SSBP3: variants seen among roughly 807,000 people sequenced by gnomAD.
SSBP3 encodes single-stranded DNA-binding protein 3.
Under a neutral mutation model 69.6 loss-of-function variants are expected in SSBP3, and 5 were observed. That is an observed-to-expected ratio of 0.07 (90% CI 0.04 to 0.15). The LOEUF (loss-of-function observed/expected upper bound fraction) is 0.15, where lower values mean the gene tolerates loss of function less well. SSBP3 is among the 10% of genes least tolerant of loss of function. SSBP3 has a pLI of 1.00. For synonymous variants in SSBP3, 196 were observed against 193.4 expected (o/e 1.01, Z -0.11); for missense variants, 312 against 534.0 (o/e 0.58, Z 4.10).
Position 54,258,143 on chromosome 1 carries a change from G to C in SSBP3, c.373C>G (p.Pro125Ala), listed in dbSNP as rs149565183. ...GCGTGCGGCGAGGGCTGTGACCCCG[G>C]AGGACCCTGTGAGGCCAGACAGTAG... Residue 125 changes from proline to alanine, a missense_variant, in exon 6 of 18, where the codon CCG (proline) becomes GCG (alanine). Transcript: ENST00000610401. This position sits in a 1 kb window ranked among gnomAD's most constrained non-coding sequence, Gnocchi z 4.5. The C allele has an allele frequency of 2.1e-5, 33 of 1,591,824 alleles. No homozygotes were observed. In the African/African-American group the frequency reaches 4.2e-4, roughly 20 times the overall value.
At chr1:54,371,843 C>T (rs897742932) in intron 4 of SSBP3, among the ~76,000 whole-genome samples, 4 of 152,064 alleles carry the variant, frequency 2.6e-5, no homozygotes, top group Non-Finnish European at 5.9e-5. Flanking sequence ...AGATTAAACA[C>T]CTTTCTACCC....
At chr1:54,238,824 C>A (rs898362014) in intron 14 of SSBP3, 2 of 413,514 alleles carry the variant, frequency 4.8e-6, no homozygotes, top group South Asian at 4.4e-5. Context: ...CCAGGCCAGA[C>A]CCCACCTACA....
intron 4 of SSBP3, among the ~76,000 whole-genome samples, chr1:54,350,350 G>T (rs757467119): frequency 6.6e-6 from 1 of 152,208 alleles, no homozygotes; most frequent in African/African-American, 2.4e-5. Flanking sequence ...CGGAACAAGC[G>T]CTGTTACTAG....
chr1:54,280,639 C>T (rs775001740), intron 5 of SSBP3, among the ~76,000 whole-genome samples: 18 of 151,850 alleles, frequency 1.2e-4, no homozygotes, highest in South Asian at 2.1e-4. Flanking sequence ...CAGCCCTGCA[C>T]GCTGTACCTC....
At chr1:54,291,116 C>T (rs1379837918) in intron 4 of SSBP3, among the ~76,000 whole-genome samples, 3 of 152,122 alleles carry the variant, frequency 2.0e-5, no homozygotes, top group Non-Finnish European at 4.4e-5. Context: ...CTGCCAGGAC[C>T]GAGGTGTGCA....
chr1:54,308,246 C>G (rs982641975), intron 4 of SSBP3, among the ~76,000 whole-genome samples: 1 of 152,120 alleles, frequency 6.6e-6, no homozygotes, highest in African/African-American at 2.4e-5. Flanking sequence ...TTGAGGTCAG[C>G]TGGAGTTTGA....
chr1:54,228,166 G>A, intron 17 of SSBP3, 89 bp downstream of exon 17: 1 of 1,207,996 alleles, frequency 8.3e-7, no homozygotes, highest in African/African-American at 1.5e-5. Context: ...TAGCTGGCAG[G>A]CTGCAGCCCG....
At position 54,277,733 on chromosome 1, in the gene SSBP3, G is replaced by T. The variant is rs146380499; in HGVS notation, c.366+3705C>A. On this transcript the variant is annotated intron_variant, in intron 5 of 17. Coordinates refer to ENST00000610401, the Ensembl canonical transcript of SSBP3. The stretch of plus-strand genomic sequence containing the variant: ...AGTTCTCTATGACCCCTGCCCTCTT[G>T]TGAGTCCCGTTTTGGACTTAGAAAT... Among the ~76,000 whole-genome samples the T allele has an allele frequency of 3.1e-4, 47 of 152,310 alleles. No individual in the cohort carries two copies. The East Asian group carries it at 5.0e-3, about 16-fold the overall frequency.
chr1:54,338,965 G>T lies in SSBP3; in HGVS notation c.277-57438C>A, dbSNP rs530750348. Among the ~76,000 whole-genome samples, 8 of 152,302 alleles carry T rather than the reference G, an allele frequency of 5.3e-5. No individual in the cohort carries two copies. The South Asian group carries it at 1.5e-3, about 28-fold the overall frequency. On this transcript the variant is annotated intron_variant, in intron 4 of 17. Coordinates refer to ENST00000610401, the Ensembl canonical transcript of SSBP3. Reference sequence around the variant, plus strand: ...TAGGATGCACGAGGTCCAAGTTAAAGCTAGTCTTCTAAACACACACCTTTT... The same window carrying T: ...TAGGATGCACGAGGTCCAAGTTAAATCTAGTCTTCTAAACACACACCTTTT...
At chr1:54,358,848 C>A (rs1457150356) in intron 4 of SSBP3, among the ~76,000 whole-genome samples, 1 of 152,180 alleles carries the variant, frequency 6.6e-6, no homozygotes, top group Non-Finnish European at 1.5e-5. Flanking sequence ...TAAGCTAAAC[C>A]TCACTTAAGA....
At chr1:54,371,810 G>C (rs1647140013) in intron 4 of SSBP3, among the ~76,000 whole-genome samples, 1 of 152,160 alleles carries the variant, frequency 6.6e-6, no homozygotes, top group South Asian at 2.1e-4. Flanking sequence ...CAGTCGGGCA[G>C]GGGTGGGGGA....
At chr1:54,250,824 A>G (rs1644816281) in intron 9 of SSBP3, among the ~76,000 whole-genome samples, 1 of 152,228 alleles carries the variant, frequency 6.6e-6, no homozygotes, top group Non-Finnish European at 1.5e-5. Flanking sequence ...GCTGGGGGTA[A>G]GCAGTGAGAT....
At chr1:54,381,674 C>T (rs943905531) in intron 4 of SSBP3, among the ~76,000 whole-genome samples, 2 of 152,158 alleles carry the variant, frequency 1.3e-5, no homozygotes, top group Non-Finnish European at 2.9e-5. Context: ...GCTGGGACCA[C>T]AAAGGTATCA....
chr1:54,368,139 T>C (rs1647057814), intron 4 of SSBP3, among the ~76,000 whole-genome samples: 1 of 151,658 alleles, frequency 6.6e-6, no homozygotes, highest in Admixed American at 6.6e-5. Context: ...CTGTCTCTAC[T>C]AAAAATACAA....
rs1455701537 is a variant in SSBP3, at chr1:54,327,879, C to T, written c.277-46352G>A. Among the ~76,000 whole-genome samples the T allele has an allele frequency of 2.0e-5, 3 of 152,208 alleles. No individual in the cohort carries two copies. The East Asian group carries it at 5.8e-4, about 29-fold the overall frequency. On this transcript the variant is annotated intron_variant, in intron 4 of 17. Transcript: ENST00000610401. ...CCAGGCACGCTCTAGCTGGGGCTCACTCTGCATCTTAAATAAAGCAGTTGT... is the reference window on the plus strand; with the variant it reads ...CCAGGCACGCTCTAGCTGGGGCTCATTCTGCATCTTAAATAAAGCAGTTGT...
At chr1:54,403,212 A>G (rs566921164) in intron 3 of SSBP3, among the ~76,000 whole-genome samples, 2 of 152,188 alleles carry the variant, frequency 1.3e-5, no homozygotes, top group Non-Finnish European at 2.9e-5. Context: ...ATAAGGATGG[A>G]GAAGTTTCAG....
rs78098341 is a variant in SSBP3, at chr1:54,391,265, A to G, written c.276+10596T>C. Among the ~76,000 whole-genome samples the G allele has an allele frequency of 8.3e-3, 1,268 of 152,302 alleles. 15 individuals are homozygous for G. The highest frequency in any genetic ancestry group is 0.051 in the East Asian group (267 of 5,186). On this transcript the variant is annotated intron_variant, in intron 4 of 17. Transcript: ENST00000610401. The stretch of plus-strand genomic sequence containing the variant: ...ACTTCCAAAAAGCTGGAGGGGCAGA[A>G]AAAAGCCGGCCACTGTTTCCTATCA...
At chr1:54,388,533 G>A (rs1648250137) in intron 4 of SSBP3, among the ~76,000 whole-genome samples, 1 of 152,226 alleles carries the variant, frequency 6.6e-6, no homozygotes, top group South Asian at 2.1e-4. Flanking sequence ...AGGAAAGAAA[G>A]AAATCATCTG....
chr1:54,340,309 G>T (rs545485659), intron 4 of SSBP3, among the ~76,000 whole-genome samples: 3 of 152,184 alleles, frequency 2.0e-5, no homozygotes, highest in Non-Finnish European at 4.4e-5. Flanking sequence ...AAAGGGAGTC[G>T]GTATCCCCGC....
Sources: gnomAD v4.1 joint callset for allele counts (sites outside exome capture counted in the v4.1 genomes callset) on GRCh38, gnomAD v4.1.1 for gene constraint, Gnocchi (gnomAD v3.1) non-coding constraint, MANE v1.5 for transcripts, NCBI Gene and HGNC (gene_info 2026-07-23, HGNC 2026-07-21) for gene names.